The following APPBP2 variants were observed in gnomAD, a reference collection of about 807,000 sequenced individuals.
APPBP2 encodes amyloid beta precursor protein binding protein 2.
A neutral mutation model predicts 76.0 loss-of-function variants in APPBP2; 15 were observed. The observed-to-expected ratio is 0.20, with a 90% CI of 0.13 to 0.30. The LOEUF is 0.30. Among genes scored for constraint, APPBP2 ranks in the 10% least tolerant of loss-of-function variants. The pLI is 1.00. For synonymous variants in APPBP2, 222 were observed against 242.2 expected (o/e 0.92, Z 0.77); for missense variants, 401 against 687.2 (o/e 0.58, Z 4.66).
At chr17:60,495,060 T>C (rs1158517110) in intron 2 of APPBP2, among the ~76,000 whole-genome samples, 6 of 149,470 alleles carry the variant, frequency 4.0e-5, no homozygotes, top group Non-Finnish European at 8.9e-5. Context: ...TCTCGGCTCA[T>C]TGCAATCTCC....
intron 1 of APPBP2, among the ~76,000 whole-genome samples, chr17:60,520,052 G>C (rs1288479727): frequency 2.0e-5 from 3 of 151,818 alleles, no homozygotes; most frequent in African/African-American, 7.3e-5. Context: ...CCAAAGTGCT[G>C]AGATTACAGA....
At chr17:60,516,100 T>G (rs915910441) in intron 1 of APPBP2, among the ~76,000 whole-genome samples, 1 of 151,950 alleles carries the variant, frequency 6.6e-6, no homozygotes, top group African/African-American at 2.4e-5. Flanking sequence ...AAGGCAGAGG[T>G]TGCAGTGAGC....
chr17:60,522,351 C>G (rs1273337584), intron 1 of APPBP2, among the ~76,000 whole-genome samples: 1 of 152,114 alleles, frequency 6.6e-6, no homozygotes, highest in Non-Finnish European at 1.5e-5. Context: ...GAGATAGGAT[C>G]TCCCTCTGTT....
intron 1 of APPBP2, among the ~76,000 whole-genome samples, chr17:60,514,869 T>C (rs2090950340): frequency 6.6e-6 from 1 of 152,120 alleles, no homozygotes; most frequent in Admixed American, 6.6e-5. Flanking sequence ...AGCAGTGCAA[T>C]CTCAGCTCAT....
intron 5 of APPBP2, 39 bp downstream of exon 5, chr17:60,466,252 A>G (rs756728784): frequency 1.9e-6 from 3 of 1,571,584 alleles, no homozygotes; most frequent in East Asian, 2.2e-5. Context: ...TTTTATAGGT[A>G]CTTATTGGTC....
intron 12 of APPBP2, among the ~76,000 whole-genome samples, chr17:60,449,667 A>G (rs537707236): frequency 1.1e-4 from 16 of 151,360 alleles, no homozygotes; most frequent in Admixed American, 4.6e-4. Context: ...CCATATGGGG[A>G]AAAAAATTGA....
intron 10 of APPBP2, 57 bp from the exon 11 acceptor site, chr17:60,454,549 G>A: frequency 8.7e-7 from 1 of 1,149,080 alleles, no homozygotes; most frequent in African/African-American, 1.6e-5. Flanking sequence ...AAGCTAGTAA[G>A]AACATCTAAT....
At position 60,454,347 on chromosome 17, in the gene APPBP2, G is replaced by A. The variant is rs941752855; in HGVS notation, c.1293C>T (p.His431=). ...GATAAAGTCTTCCAAGGTTTCCATA[G>A]TGTTTTGCAGTCTGTACATTAAATT... ...FGEFNVQTAK[H]YGNLGRLYQS... Residue 431 remains histidine (H), a synonymous_variant, in exon 11 of 13, where the codon CAC becomes CAT. Transcript: ENST00000083182. The A allele has an allele frequency of 6.3e-7, 1 of 1,596,822 alleles. No homozygotes were observed.
chr17:60,499,428 A>G (rs1404279117), intron 2 of APPBP2, among the ~76,000 whole-genome samples: 1 of 149,542 alleles, frequency 6.7e-6, no homozygotes, highest in African/African-American at 2.5e-5. Context: ...AGTCCCAGCT[A>G]GCAGAGAGGC....
intron 6 of APPBP2, chr17:60,462,612 G>C (rs1282925776): frequency 6.6e-6 from 1 of 152,232 alleles, no homozygotes; most frequent in South Asian, 2.1e-4. Context: ...CATGATTATA[G>C]CTAGGCATTT....
chr17:60,476,540 T>C (rs1199687252), intron 4 of APPBP2, among the ~76,000 whole-genome samples: 4 of 152,088 alleles, frequency 2.6e-5, no homozygotes, highest in Non-Finnish European at 5.9e-5. Context: ...TTATATTAAA[T>C]ACACCTGTAA....
At chr17:60,514,330 G>T (rs1161007894) in intron 1 of APPBP2, among the ~76,000 whole-genome samples, 3 of 151,960 alleles carry the variant, frequency 2.0e-5, no homozygotes, top group Admixed American at 2.0e-4. Context: ...TGGAGGCTAG[G>T]CAAGGTGGCT....
chr17:60,518,966 T>C (rs773202364), intron 1 of APPBP2, among the ~76,000 whole-genome samples: 5 of 151,994 alleles, frequency 3.3e-5, no homozygotes, highest in Admixed American at 1.3e-4. Context: ...ATTACCTTTT[T>C]CCCCCCCTTT....
In APPBP2 at chr17:60,525,881, G is replaced by T; in HGVS notation, c.51C>A (p.Ala17=). Residue 17 remains alanine (A), a synonymous_variant, in exon 1 of 13, where the codon GCC becomes GCA. Transcript: ENST00000083182. ...TGTAGTTGTCCACGACAGCGGAGAT[G>T]GCGGTGTTATAGAGAGTCTCTGGGA... ...EWIPETLYNT[A]ISAVVDNYIR... is the part of the protein sequence containing the mutation. 1 of 1,614,122 alleles carries T rather than the reference G, an allele frequency of 6.2e-7. No individual in the cohort carries two copies. Among genetic ancestry groups the T allele is most frequent in the South Asian group, 1.1e-5 (1 of 91,068 alleles).
intron 12 of APPBP2, among the ~76,000 whole-genome samples, chr17:60,450,787 A>C (rs2090388874): frequency 7.7e-6 from 1 of 129,680 alleles, no homozygotes; most frequent in South Asian, 2.1e-4. Context: ...AAAAAAAAGA[A>C]AGAAAAAAGA....
Position 60,466,438 on chromosome 17 carries a change from T to G in APPBP2, c.525A>C (p.Gly175=). Residue 175 remains glycine (G), a synonymous_variant, in exon 5 of 13, where the codon GGA becomes GGC. Coordinates refer to ENST00000083182, the MANE Select transcript of APPBP2 (RefSeq NM_006380.5). ...CTTCACCCAAATGATATTTGCAGTT[T>G]CCATTTCGCACATGAAGCAACCTAT... ...CCVRLLHVRN[G]NCKYHLGEET... 1 of 1,612,934 alleles carries G rather than the reference T, an allele frequency of 6.2e-7. No homozygotes were observed. The highest frequency in any genetic ancestry group is 8.5e-7 in the Non-Finnish European group (1 of 1,179,936).
Position 60,525,971 on chromosome 17 carries a change from C to T in APPBP2, c.-40G>A. ...CCTCCGCCTCCTCCGCCTCCTCCTC[C>T]CGAAGGCCCCCACCTCCCTCCGTAG... is the stretch of plus-strand genomic sequence containing the variant. On this transcript the variant is annotated 5_prime_UTR_variant, in exon 1 of 13. Transcript: ENST00000083182. 6.5e-7 allele frequency: 1 copy of T among 1,542,652 alleles called. No homozygotes were observed. The highest frequency in any genetic ancestry group is 8.8e-7 in the Non-Finnish European group (1 of 1,138,752).
At chr17:60,488,979 T>C (rs572819742) in intron 3 of APPBP2, among the ~76,000 whole-genome samples, 1 of 151,910 alleles carries the variant, frequency 6.6e-6, no homozygotes, top group African/African-American at 2.4e-5. Flanking sequence ...TCCCAGCACT[T>C]TGGGAGACTG....
rs771471911 is a variant in APPBP2 at position 60,451,995 on chromosome 17, A to G, written c.1389T>C (p.Leu463=). ...GGGCTACTTCATAATCTTCTTGACC[A>G]AGAAGTTGTTCTTTAATCTGAATTG... ...IKAIQIKEQL[L]GQEDYEVALS... Residue 463 remains leucine (L), a synonymous_variant, in exon 12 of 13, where the codon CTT becomes CTC. Transcript: ENST00000083182. The G allele has an allele frequency of 6.8e-6, 11 of 1,613,676 alleles. No individual in the cohort carries two copies. The Admixed American group carries it at 1.3e-4, about 20-fold the overall frequency.
Sources: gnomAD v4.1 joint callset for allele counts (sites outside exome capture counted in the v4.1 genomes callset) on GRCh38, gnomAD v4.1.1 for gene constraint, MANE v1.5 for transcripts, NCBI Gene and HGNC (gene_info 2026-07-23, HGNC 2026-07-21) for gene names.